SDK1: variants seen among roughly 807,000 people sequenced by gnomAD.
SDK1 encodes protein sidekick-1.
A neutral mutation model predicts 245.5 loss-of-function variants in SDK1; 157 were observed. The observed-to-expected ratio is 0.64, with a 90% confidence interval of 0.56 to 0.73. SDK1 has a LOEUF of 0.73. Ranked by LOEUF, SDK1 falls within the 30% of genes least tolerant of loss-of-function variation. The probability of loss-of-function intolerance (pLI) is 0.00; values close to 1 mark genes in which losing one functional copy is unlikely to be tolerated. For missense variants in SDK1, 3,583 were observed against 3,002.3 expected, an observed-to-expected ratio of 1.19 and a Z score of -4.52; for synonymous variants, 1,647 against 1,278.5, an observed-to-expected ratio of 1.29 and a Z score of -6.15.
chr7:3,333,751 C>T (rs1019187907), intron 1 of SDK1, among the ~76,000 whole-genome samples: 2 of 152,292 alleles, frequency 1.3e-5, no homozygotes, highest in South Asian at 2.1e-4. Context: ...AGGACAGACT[C>T]TAATTCTTCC....
intron 4 of SDK1, among the ~76,000 whole-genome samples, chr7:3,761,428 C>T (rs755275730): frequency 6.6e-6 from 1 of 151,592 alleles, no homozygotes; most frequent in Non-Finnish European, 1.5e-5. Context: ...GTGGTGGGCA[C>T]CTGTAGTCCC....
At chr7:3,698,876 C>T (rs537677552) in intron 4 of SDK1, among the ~76,000 whole-genome samples, 1 of 152,336 alleles carries the variant, frequency 6.6e-6, no homozygotes, top group South Asian at 2.1e-4. Flanking sequence ...AATGCCATCT[C>T]ATTAGAGTTT....
At chr7:3,948,251 C>CTTTTTTTTTT (rs34746302) in intron 5 of SDK1, among the ~76,000 whole-genome samples, 4 of 79,652 alleles carry the variant, frequency 5.0e-5, no homozygotes, top group Non-Finnish European at 8.7e-5. Context: ...ATCACCATTG[C>CTTTTTTTTTT]TTTTTTTTTT....
At chr7:3,629,300 CAA>C (rs71029686) in intron 2 of SDK1, among the ~76,000 whole-genome samples, 1 of 111,200 alleles carries the variant, frequency 9.0e-6, no homozygotes. Flanking sequence ...TTCTCAGTCT[CAA>C]AAAAAAAAAG....
intron 5 of SDK1, among the ~76,000 whole-genome samples, chr7:3,921,373 G>T (rs972936246): frequency 4.6e-5 from 7 of 152,122 alleles, no homozygotes; most frequent in African/African-American, 1.7e-4. Context: ...TCCATCATTG[G>T]ACATTTAGAT....
chr7:4,215,719 G>T (rs1327700511), intron 38 of SDK1, among the ~76,000 whole-genome samples: 3 of 152,206 alleles, frequency 2.0e-5, no homozygotes, highest in Admixed American at 6.5e-5. Flanking sequence ...TCACAGCCGT[G>T]CATGAGAGAG....
rs72564315 is a variant in SDK1 at position 3,349,201 on chromosome 7, CA to C, written c.298+47325del. Among the ~76,000 whole-genome samples the C allele has an allele frequency of 2.8e-4, 42 of 151,210 alleles. 1 individual carries two copies. The East Asian group carries it at 6.0e-3, about 22-fold the overall frequency. On this transcript the variant is annotated intron_variant, in intron 1 of 44. Coordinates refer to ENST00000404826, the MANE Select transcript of SDK1 (RefSeq NM_152744.4). ...GTGGTTGCAGTTTAAAAAAAAACAA[CA>C]AAAAAAACACAACAAAACAAACACA...
intron 1 of SDK1, among the ~76,000 whole-genome samples, chr7:3,479,371 G>A (rs775002006): frequency 2.2e-5 from 3 of 136,448 alleles, no homozygotes; most frequent in African/African-American, 8.4e-5. Flanking sequence ...GCAGTGAGCC[G>A]ATATTGTGCC....
intron 1 of SDK1, among the ~76,000 whole-genome samples, chr7:3,416,164 G>C (rs751087635): frequency 2.6e-5 from 4 of 152,110 alleles, no homozygotes; most frequent in Non-Finnish European, 5.9e-5. Context: ...ATTATGGATC[G>C]TATAAATCTT....
At chr7:3,992,353 G>C (rs1392830648) in intron 14 of SDK1, among the ~76,000 whole-genome samples, 1 of 152,230 alleles carries the variant, frequency 6.6e-6, no homozygotes, top group Non-Finnish European at 1.5e-5. Flanking sequence ...TCTCTGAGAA[G>C]TTTGATGGTT....
intron 1 of SDK1, among the ~76,000 whole-genome samples, chr7:3,543,456 G>A (rs1779112548): frequency 6.6e-6 from 1 of 152,260 alleles, no homozygotes; most frequent in Non-Finnish European, 1.5e-5. Context: ...TAGAATGGGT[G>A]CCAGGTGAGT....
rs1464452563 is a variant in SDK1, at chr7:3,672,788, T to C, written c.713+30683T>C. On this transcript the variant is annotated intron_variant, in intron 4 of 44. Coordinates refer to ENST00000404826, the MANE Select transcript of SDK1 (RefSeq NM_152744.4). ...ATATATATATATATATATATATATA[T>C]ATATATAAAAAATACAGAAAGCTCT... Among the ~76,000 whole-genome samples the C allele has an allele frequency of 1.1e-4, 12 of 105,624 alleles. 1 individual carries two copies. Among genetic ancestry groups the C allele is most frequent in the Non-Finnish European group, 2.3e-4 (12 of 51,402 alleles). The allele number at this position is 105,624 out of a possible 152,430, so 69.3% of individuals were successfully genotyped here.
intron 35 of SDK1, among the ~76,000 whole-genome samples, chr7:4,204,654 C>T (rs745398949): frequency 1.3e-5 from 2 of 152,124 alleles, no homozygotes; most frequent in African/African-American, 2.4e-5. Flanking sequence ...ATCGATGGTC[C>T]GTAAAGACAC....
At chr7:3,787,262 T>C (rs773319394) in intron 4 of SDK1, among the ~76,000 whole-genome samples, 11 of 151,940 alleles carry the variant, frequency 7.2e-5, no homozygotes, top group Admixed American at 2.0e-4. Context: ...TTACCTGACA[T>C]TGTTTGAAAG....
chr7:4,019,681 C>T (rs1306618220), intron 17 of SDK1, among the ~76,000 whole-genome samples: 1 of 151,816 alleles, frequency 6.6e-6, no homozygotes, highest in Admixed American at 6.6e-5. Flanking sequence ...ATCTGCAGCT[C>T]GGCTTCTGTA....
rs79628807 is a variant in SDK1, at chr7:3,728,516, C to T, written c.713+86411C>T. On this transcript the variant is annotated intron_variant, in intron 4 of 44. Coordinates refer to ENST00000404826, the MANE Select transcript of SDK1 (RefSeq NM_152744.4). Reference sequence around the variant, plus strand: ...ACATGAATAAATCCCCAAAACTCTTCCCAGCATTTCTTTCTGGTCAACAGT... The same window carrying T: ...ACATGAATAAATCCCCAAAACTCTTTCCAGCATTTCTTTCTGGTCAACAGT... Among the ~76,000 whole-genome samples, 624 of 152,330 alleles carry T rather than the reference C, an allele frequency of 4.1e-3. 5 individuals carry two copies. Among genetic ancestry groups the T allele is most frequent in the African/African-American group, 0.015 (609 of 41,574 alleles).
rs1281760718 is a variant in SDK1, at chr7:4,145,837, C to T, written c.4344C>T (p.Tyr1448=). 1.2e-6 allele frequency: 2 copies of T among 1,613,894 alleles called. No homozygotes were observed. The highest frequency in any genetic ancestry group is 1.1e-5 in the South Asian group (1 of 91,054). Residue 1448 remains tyrosine, a synonymous_variant, in exon 29 of 45, where the codon TAC becomes TAT. Transcript: ENST00000404826. ...CCGACCTGGCCCCGGAGTCCGCATA[C>T]ATCTTCAGGCTGTCCGCCAAGACGA... ...TATDLAPESA[Y]IFRLSAKTRQ... is the part of the protein sequence containing the mutation.
chr7:3,519,565 C>A (rs1375272926), intron 1 of SDK1, among the ~76,000 whole-genome samples: 1 of 117,636 alleles, frequency 8.5e-6, no homozygotes, highest in African/African-American at 3.5e-5. Flanking sequence ...CATGTACTTA[C>A]CTAACTCATT....
chr7:4,136,880 C>A lies in SDK1; in HGVS notation c.4228+4457C>A, dbSNP rs1779131497. On this transcript the variant is annotated intron_variant, in intron 28 of 44. Transcript: ENST00000404826. ...GCAGATTCAGCGTTTTGATCCCCAG[C>A]CCTTGGATGGATAAGCTGCAAAACC... 2.0e-5 allele frequency among the ~76,000 whole-genome samples: 3 copies of A among 152,240 alleles called. No individual in the cohort carries two copies. In the South Asian group the frequency reaches 6.2e-4, roughly 32 times the overall value.
Sources: allele counts gnomAD v4.1 joint callset (sites outside exome capture counted in the v4.1 genomes callset), GRCh38; gene constraint gnomAD v4.1.1; transcripts MANE v1.5; gene names NCBI Gene and HGNC (gene_info 2026-07-23, HGNC 2026-07-21).